KCNAB1: variants seen among roughly 807,000 people sequenced by gnomAD.
KCNAB1 encodes the protein voltage-gated potassium channel subunit beta-1.
In KCNAB1, 35 loss-of-function variants were observed where a neutral mutation model predicts 64.6. That is an observed-to-expected ratio of 0.54 (90% CI 0.41 to 0.72). The LOEUF (loss-of-function observed/expected upper bound fraction) is 0.72. KCNAB1 is among the 30% of genes least tolerant of loss of function. The pLI, the probability that KCNAB1 is intolerant of heterozygous loss-of-function variation, is 0.00. For synonymous variants in KCNAB1, 177 were observed against 183.8 expected (o/e 0.96, Z 0.30); for missense variants, 401 against 512.9 (o/e 0.78, Z 2.11).
At chr3:156,298,805 TAAG>T (rs1560182158) in intron 1 of KCNAB1, among the ~76,000 whole-genome samples, 1 of 152,236 alleles carries the variant, frequency 6.6e-6, no homozygotes, top group Non-Finnish European at 1.5e-5. Context: ...TTAGGCATCA[TAAG>T]AAGATTCGAT....
intron 8 of KCNAB1, among the ~76,000 whole-genome samples, chr3:156,488,832 C>T (rs540116149): frequency 2.0e-5 from 3 of 151,998 alleles, no homozygotes; most frequent in Admixed American, 6.6e-5. Context: ...GGGCACTAGC[C>T]GTGGACTGTA....
At chr3:156,218,798 A>AAT (rs1553822930) in intron 1 of KCNAB1, among the ~76,000 whole-genome samples, 1 of 37,354 alleles carries the variant, frequency 2.7e-5, no homozygotes, top group Non-Finnish European at 5.6e-5. Flanking sequence ...AAAAAAAAAA[A>AAT]AAAAATAATA....
At chr3:156,512,872 T>A (rs1241067551) in intron 8 of KCNAB1, among the ~76,000 whole-genome samples, 1 of 152,198 alleles carries the variant, frequency 6.6e-6, no homozygotes, top group African/African-American at 2.4e-5. Flanking sequence ...CAATGGTGAA[T>A]GAAAGCATTT....
At chr3:156,243,564 T>C (rs892622115) in intron 1 of KCNAB1, among the ~76,000 whole-genome samples, 3 of 152,198 alleles carry the variant, frequency 2.0e-5, no homozygotes, top group African/African-American at 7.2e-5. Context: ...ACTAAAACTT[T>C]GATGGAAGCC....
chr3:156,136,872 G>C (rs1714375292), intron 1 of KCNAB1, among the ~76,000 whole-genome samples: 1 of 152,230 alleles, frequency 6.6e-6, no homozygotes, highest in South Asian at 2.1e-4. Flanking sequence ...ACAGATGCCA[G>C]AGCTCCACTC....
At position 156,140,444 on chromosome 3, in the gene KCNAB1, G is replaced by A. The variant is rs138357148; in HGVS notation, c.275+19558G>A. On this transcript the variant is annotated intron_variant, in intron 1 of 13. Transcript: ENST00000490337. ...GGGCCCTCTTCCCGGTTGAAGGGCC[G>A]CTGCTCTCTCCTTCCAGTGTCCTTA... Among the ~76,000 whole-genome samples, 117 of 152,198 alleles carry A rather than the reference G, an allele frequency of 7.7e-4. 1 individual carries two copies. The East Asian group carries it at 0.012, about 15-fold the overall frequency.
intron 1 of KCNAB1, among the ~76,000 whole-genome samples, chr3:156,217,474 A>G (rs1401856782): frequency 6.6e-6 from 1 of 152,258 alleles, no homozygotes; most frequent in Admixed American, 6.5e-5. Context: ...CTGAGTAAAA[A>G]GAGGCTGTCC....
At chr3:156,472,157 A>C (rs891360420) in intron 7 of KCNAB1, among the ~76,000 whole-genome samples, 5 of 152,150 alleles carry the variant, frequency 3.3e-5, no homozygotes, top group Non-Finnish European at 5.9e-5. Context: ...CAGTCGCTTC[A>C]CTTCTCAGGC....
At chr3:156,430,587 T>C (rs904401349) in intron 2 of KCNAB1, among the ~76,000 whole-genome samples, 2 of 152,148 alleles carry the variant, frequency 1.3e-5, no homozygotes, top group East Asian at 1.9e-4. Flanking sequence ...ACCAGCTCCA[T>C]TGTGAGAAAA....
At chr3:156,498,918 G>A (rs912352019) in intron 8 of KCNAB1, among the ~76,000 whole-genome samples, 3 of 152,202 alleles carry the variant, frequency 2.0e-5, no homozygotes, top group African/African-American at 7.2e-5. Flanking sequence ...TGATCCTGAA[G>A]ACAAAGCAAA....
chr3:156,320,806 G>T (rs1443141368), intron 1 of KCNAB1, among the ~76,000 whole-genome samples: 2 of 152,094 alleles, frequency 1.3e-5, no homozygotes, highest in Non-Finnish European at 2.9e-5. Flanking sequence ...TCTGCCTCCT[G>T]CTGCAGGCAT....
chr3:156,506,683 A>G (rs985883157), intron 8 of KCNAB1, among the ~76,000 whole-genome samples: 1 of 152,206 alleles, frequency 6.6e-6, no homozygotes, highest in Non-Finnish European at 1.5e-5. Context: ...GGCTCAGTGC[A>G]TGAATTCCTT....
At chr3:156,257,959 G>A (rs1718198090) in intron 1 of KCNAB1, among the ~76,000 whole-genome samples, 1 of 152,228 alleles carries the variant, frequency 6.6e-6, no homozygotes, top group Non-Finnish European at 1.5e-5. Context: ...GAGACCACCA[G>A]AAGCAGTCTG....
At chr3:156,357,029 G>C (rs193175852) in intron 1 of KCNAB1, among the ~76,000 whole-genome samples, 2 of 152,218 alleles carry the variant, frequency 1.3e-5, no homozygotes, top group East Asian at 3.9e-4. Context: ...ATTTGAAATG[G>C]TGAAGTGAAA....
intron 1 of KCNAB1, among the ~76,000 whole-genome samples, chr3:156,298,278 A>ATG (rs529750364): frequency 6.6e-6 from 1 of 151,228 alleles, no homozygotes; most frequent in Non-Finnish European, 1.5e-5. Flanking sequence ...GGGGCTGTGT[A>ATG]TGTGTGTGTG....
chr3:156,170,254 C>T (rs559624010), intron 1 of KCNAB1, among the ~76,000 whole-genome samples: 3 of 140,208 alleles, frequency 2.1e-5, no homozygotes, highest in East Asian at 4.6e-4. Flanking sequence ...TGCAACATTT[C>T]CCTGAAAATG....
chr3:156,253,351 A>G (rs1341230618), intron 1 of KCNAB1, among the ~76,000 whole-genome samples: 1 of 152,192 alleles, frequency 6.6e-6, no homozygotes, highest in Non-Finnish European at 1.5e-5. Flanking sequence ...CCCTCCCCAC[A>G]AGGTCCTTTG....
chr3:156,202,236 T>C (rs1714380452), intron 1 of KCNAB1, among the ~76,000 whole-genome samples: 1 of 152,222 alleles, frequency 6.6e-6, no homozygotes, highest in African/African-American at 2.4e-5. Context: ...GTGTCTGTCA[T>C]GGTTGAGGAG....
At chr3:156,528,655 A>C (rs1718490173) in intron 12 of KCNAB1, among the ~76,000 whole-genome samples, 1 of 152,224 alleles carries the variant, frequency 6.6e-6, no homozygotes, top group South Asian at 2.1e-4. Context: ...AGGGGAAGGC[A>C]AAAGGACATT....
Sources: gnomAD v4.1 joint callset for allele counts (sites outside exome capture counted in the v4.1 genomes callset) on GRCh38, gnomAD v4.1.1 for gene constraint, MANE v1.5 for transcripts, NCBI Gene and HGNC (gene_info 2026-07-23, HGNC 2026-07-21) for gene names.